LPL: variants seen among roughly 807,000 people sequenced by gnomAD.
LPL encodes the protein lipoprotein lipase, also known as phospholipase A1.
LPL carries 43 observed loss-of-function variants against 52.2 expected under a neutral mutation model. The observed-to-expected ratio is 0.82, with a 90% confidence interval of 0.64 to 1.06. The LOEUF (loss-of-function observed/expected upper bound fraction) is 1.06. Among genes scored for constraint, LPL ranks in the 50% least tolerant of loss-of-function variants. The pLI is 0.00. For synonymous variants in LPL, 244 were observed against 215.6 expected (o/e 1.13, Z -1.15); for missense variants, 639 against 585.3 (o/e 1.09, Z -0.95).
rs762788938 is a variant in LPL, at chr8:19,939,525, G to A, written c.85G>A (p.Asp29Asn). Reference sequence around the variant, plus strand: ...CTCCCGCGGAGGGGTGGCCGCCGCCGACCGTAAGTTTTGCGCGCAAACTCC... The same window carrying A: ...CTCCCGCGGAGGGGTGGCCGCCGCCAACCGTAAGTTTTGCGCGCAAACTCC... ...TASRGGVAAA[D>N]QRRDFIDIES... is the part of the protein sequence containing the mutation. Residue 29 changes from aspartate (D) to asparagine (N), a missense_variant, in exon 1 of 10, where the codon GAC becomes AAC. Asp to Asn is a conservative substitution (Grantham distance 23). Transcript: ENST00000650287. This position sits in a 1 kb window ranked among gnomAD's most constrained non-coding sequence, Gnocchi z 4.0. 1.2e-6 allele frequency: 2 copies of A among 1,607,116 alleles called. No individual in the cohort carries two copies. The highest frequency in any genetic ancestry group is 1.7e-6 in the Non-Finnish European group (2 of 1,177,616).
chr8:19,941,904 T>C (rs1031865386), intron 1 of LPL, among the ~76,000 whole-genome samples: 32 of 152,200 alleles, frequency 2.1e-4, no homozygotes, highest in African/African-American at 7.5e-4. Context: ...CATCTCTGCA[T>C]GGCCCCAATT....
chr8:19,953,475 TGA>T, intron 4 of LPL, 54 bp downstream of exon 4: 1 of 1,360,014 alleles, frequency 7.4e-7, no homozygotes, highest in Middle Eastern at 1.8e-4. Context: ...ACTGTCATTC[TGA>T]GAGAGAATCA....
chr8:19,962,206 A>G lies in LPL; in HGVS notation c.1414A>G (p.Lys472Glu). 1.9e-6 allele frequency: 3 copies of G among 1,613,642 alleles called. No individual in the cohort carries two copies. The highest frequency in any genetic ancestry group is 2.5e-6 in the Non-Finnish European group (3 of 1,179,634). ...FVKCHDKSLN[K>E]KSG is the part of the protein sequence containing the mutation. ...GAAATGCCATGACAAGTCTCTGAAT[A>G]AGAAGTCAGGCTGGTGAGCATTCTG... Residue 472 changes from lysine to glutamate, a missense_variant, in exon 9 of 10, where the codon AAG becomes GAG. By Grantham distance (56) the Lys-to-Glu change is moderately conservative. Transcript: ENST00000650287.
chr8:19,957,504 T>A (rs1207092551), intron 6 of LPL, among the ~76,000 whole-genome samples: 2 of 152,160 alleles, frequency 1.3e-5, no homozygotes, highest in African/African-American at 2.4e-5. Flanking sequence ...GGGACCATAA[T>A]CTTGAAGACA....
intron 5 of LPL, among the ~76,000 whole-genome samples, chr8:19,954,563 C>T (rs927025607): frequency 6.6e-6 from 1 of 152,150 alleles, no homozygotes; most frequent in South Asian, 2.1e-4. Context: ...GTAGGCTACA[C>T]TGAGCAGTGC....
rs2069814484 is a variant in LPL at position 19,939,759 on chromosome 8, T to C, written c.88+231T>C. On this transcript the variant is annotated intron_variant, in intron 1 of 9. Coordinates refer to ENST00000650287, the MANE Select transcript of LPL (RefSeq NM_000237.3). This position sits in a 1 kb window ranked among gnomAD's most constrained non-coding sequence, Gnocchi z 4.0. The stretch of plus-strand genomic sequence containing the variant: ...GCGCCCAGTTCCCGCTTTTTCTCTC[T>C]GCCGGGTTCCCGCGCTATCCCTTCC... 6.6e-6 allele frequency among the ~76,000 whole-genome samples: 1 copy of C among 152,136 alleles called. No individual in the cohort carries two copies. The highest frequency in any genetic ancestry group is 2.4e-5 in the African/African-American group (1 of 41,438).
rs1053838017 is a variant in LPL at position 19,962,205 on chromosome 8, T to C, written c.1413T>C (p.Asn471=). 6.2e-7 allele frequency: 1 copy of C among 1,613,662 alleles called. No individual in the cohort carries two copies. Among genetic ancestry groups the C allele is most frequent in the African/African-American group, 1.3e-5 (1 of 75,038 alleles). ...TGAAATGCCATGACAAGTCTCTGAA[T>C]AAGAAGTCAGGCTGGTGAGCATTCT... is the stretch of plus-strand genomic sequence containing the variant. The part of the protein sequence containing the change: ...VFVKCHDKSL[N]KKSG The change falls in exon 9 of 10, where the codon AAT becomes AAC. Residue 471 remains asparagine, a synonymous_variant. Coordinates refer to ENST00000650287, the MANE Select transcript of LPL (RefSeq NM_000237.3).
In LPL at chr8:19,959,378, T is replaced by A. The variant is rs773918283; in HGVS notation, c.1137T>A (p.Thr379=). ...CCGAGAGTGAGAACATCCCATTCACTCTGTGAGTAGCACAGGGGGGCGGTC... is the reference window on the plus strand; with the variant it reads ...CCGAGAGTGAGAACATCCCATTCACACTGTGAGTAGCACAGGGGGGCGGTC... ...TVAESENIPF[T]LPEVSTNKTY... The change falls in exon 7 of 10, where the codon ACT becomes ACA. Residue 379 remains threonine (T), a splice_region_variant and synonymous_variant. Transcript: ENST00000650287. 7 of 1,613,966 alleles carry A rather than the reference T, an allele frequency of 4.3e-6. No homozygotes were observed. The highest frequency in any genetic ancestry group is 5.9e-6 in the Non-Finnish European group (7 of 1,180,014).
At chr8:19,961,376 T>C (rs1213519384) in intron 8 of LPL, among the ~76,000 whole-genome samples, 1 of 152,046 alleles carries the variant, frequency 6.6e-6, no homozygotes, top group Non-Finnish European at 1.5e-5. Flanking sequence ...AGCTTCTCAT[T>C]TGGCACTGTT....
chr8:19,953,719 G>A (rs2069957478), intron 4 of LPL, among the ~76,000 whole-genome samples: 2 of 99,278 alleles, frequency 2.0e-5, no homozygotes, highest in African/African-American at 1.6e-4. Flanking sequence ...TTTTAGTAGT[G>A]TAAATGCACA....
In LPL at chr8:19,948,305, A is replaced by G; in HGVS notation, c.214A>G (p.Ser72Gly). The G allele has an allele frequency of 1.9e-6, 3 of 1,614,082 alleles. No individual in the cohort carries two copies. Among genetic ancestry groups the G allele is most frequent in the East Asian group, 2.2e-5 (1 of 44,864 alleles). ...ESVATCHFNH[S>G]SKTFMVIHGW... ...CGTGGCTACCTGTCATTTCAATCACAGCAGCAAAACCTTCATGGTGATCCA... is the reference window on the plus strand; with the variant it reads ...CGTGGCTACCTGTCATTTCAATCACGGCAGCAAAACCTTCATGGTGATCCA... Residue 72 changes from serine (S) to glycine (G), a missense_variant, in exon 2 of 10, where the codon AGC (serine) becomes GGC (glycine). By Grantham distance (56) the Ser-to-Gly change is moderately conservative. Coordinates refer to ENST00000650287, the MANE Select transcript of LPL (RefSeq NM_000237.3).
intron 1 of LPL, among the ~76,000 whole-genome samples, chr8:19,940,199 C>A (rs566142336): frequency 2.0e-4 from 30 of 152,362 alleles, no homozygotes; most frequent in African/African-American, 7.2e-4. Flanking sequence ...CCCGGACTCT[C>A]TCCAGCTTCC....
At chr8:19,959,777 CTTTTTT>C (rs71205952) in intron 7 of LPL, among the ~76,000 whole-genome samples, 1 of 65,098 alleles carries the variant, frequency 1.5e-5, no homozygotes, top group African/African-American at 6.6e-5. Flanking sequence ...AGTGTTAGCT[CTTTTTT>C]TTTTTTTTTT....
chr8:19,953,538 G>T, intron 4 of LPL, 117 bp downstream of exon 4: 1 of 732,716 alleles, frequency 1.4e-6, no homozygotes, highest in South Asian at 1.5e-5. Context: ...CCGGAGACAT[G>T]ACCAGCACTT....
rs1457947495 is a variant in LPL, at chr8:19,944,355, T to A, written c.89-3825T>A. ...ATCAGTAATTCACTTTGTTCTTCGA[T>A]ATCCTACAGACACTGCCTGAGTCGA... On this transcript the variant is annotated intron_variant, in intron 1 of 9. Coordinates refer to ENST00000650287, the MANE Select transcript of LPL (RefSeq NM_000237.3). The surrounding 1 kb of genome is among the most constrained non-coding windows in gnomAD (Gnocchi z 4.2). Among the ~76,000 whole-genome samples the A allele has an allele frequency of 6.6e-6, 1 of 151,284 alleles. No homozygotes were observed. The highest frequency in any genetic ancestry group is 2.4e-5 in the African/African-American group (1 of 41,106).
intron 9 of LPL, among the ~76,000 whole-genome samples, chr8:19,962,622 G>A (rs1384756965): frequency 3.3e-5 from 5 of 152,128 alleles, no homozygotes; most frequent in Non-Finnish European, 7.3e-5. Flanking sequence ...TTCCCAGGAT[G>A]TATTCAGGGA....
chr8:19,939,311 C>T lies in LPL; in HGVS notation c.-130C>T. On this transcript the variant is annotated 5_prime_UTR_variant, in exon 1 of 10. Coordinates refer to ENST00000650287, the MANE Select transcript of LPL (RefSeq NM_000237.3). This position sits in a 1 kb window ranked among gnomAD's most constrained non-coding sequence, Gnocchi z 4.0. ...AGGGAAAGCTGCCCACTTCTAGCTG[C>T]CCTGCCATCCCCTTTAAAGGGCGAC... 5 of 763,556 alleles carry T rather than the reference C, an allele frequency of 6.5e-6. No homozygotes were observed. In the East Asian group the frequency reaches 8.1e-5, roughly 12 times the overall value. The allele number at this position is 763,556 out of a possible 1,614,324, so 47.3% of individuals were successfully genotyped here.
chr8:19,959,221 T>C (rs1486779463), intron 6 of LPL, 39 bp from the exon 7 acceptor site: 1 of 1,613,718 alleles, frequency 6.2e-7, no homozygotes, highest in South Asian at 1.1e-5. Context: ...GATATTTTCA[T>C]AAAGATTGAT....
chr8:19,940,515 C>T (rs1324431520), intron 1 of LPL, among the ~76,000 whole-genome samples: 1 of 152,264 alleles, frequency 6.6e-6, no homozygotes. Context: ...GAGAATGTCT[C>T]AGACCTGTCC....
Sources: gnomAD v4.1 joint callset for allele counts (sites outside exome capture counted in the v4.1 genomes callset) on GRCh38, gnomAD v4.1.1 for gene constraint, Gnocchi (gnomAD v3.1) non-coding constraint, MANE v1.5 for transcripts, NCBI Gene and HGNC (gene_info 2026-07-23, HGNC 2026-07-21) for gene names.